Variants in UTRN observed in about 807,000 individuals in gnomAD.
UTRN encodes utrophin.
Under a neutral mutation model 463.9 loss-of-function variants are expected in UTRN, and 283 were observed. That is an observed-to-expected ratio of 0.61 (90% CI 0.55 to 0.67). The LOEUF (loss-of-function observed/expected upper bound fraction) is 0.67. Ranked by LOEUF, UTRN falls within the 30% of genes least tolerant of loss-of-function variation. The pLI is 0.00. For missense variants in UTRN, 3,922 were observed against 4,084.3 expected (o/e 0.96, Z 1.08); for synonymous variants, 1,442 against 1,431.5 (o/e 1.01, Z -0.17).
chr6:144,586,868 G>A (rs1371925716), intron 51 of UTRN, among the ~76,000 whole-genome samples: 1 of 152,112 alleles, frequency 6.6e-6, no homozygotes, highest in African/African-American at 2.4e-5. Flanking sequence ...GTTGATTTAA[G>A]TGATATAACT....
chr6:144,342,357 A>C (rs1777204116), intron 2 of UTRN, among the ~76,000 whole-genome samples: 1 of 151,498 alleles, frequency 6.6e-6, no homozygotes, highest in Admixed American at 6.6e-5. Context: ...ACACACACAC[A>C]CACACACACA....
chr6:144,470,453 C>T (rs940964895), intron 23 of UTRN, among the ~76,000 whole-genome samples: 2 of 151,606 alleles, frequency 1.3e-5, no homozygotes, highest in African/African-American at 2.4e-5. Flanking sequence ...AGAGGCGCTC[C>T]TCACATCCCA....
At chr6:144,827,297 G>T in intron 66 of UTRN, 51 bp from the exon 67 acceptor site, 9 of 1,605,440 alleles carry the variant, frequency 5.6e-6, no homozygotes, top group Non-Finnish European at 6.8e-6. Flanking sequence ...GTCTTAAATT[G>T]CTCTAAAGTG....
chr6:144,530,331 C>T (rs1796929866), intron 41 of UTRN, among the ~76,000 whole-genome samples: 1 of 152,150 alleles, frequency 6.6e-6, no homozygotes, highest in Non-Finnish European at 1.5e-5. Context: ...TATAAGGACA[C>T]CAGTCCTTTC....
In UTRN at chr6:144,426,431, G is replaced by C; in HGVS notation, c.550G>C (p.Ala184Pro). Residue 184 changes from alanine (A) to proline (P), a missense_variant, in exon 7 of 75, where the codon GCC becomes CCC. By Grantham distance (27) the Ala-to-Pro change is conservative. Coordinates refer to ENST00000367545, the MANE Select transcript of UTRN (RefSeq NM_007124.3). ...NFTTSWTDGLAFNAVLHRHKP... is the reference protein window; with the variant it reads ...NFTTSWTDGLPFNAVLHRHKP... ...CACCACCAGCTGGACAGATGGACTC[G>C]CCTTTAATGCTGTCCTCCACCGACA... The C allele has an allele frequency of 6.2e-7, 1 of 1,613,970 alleles. No homozygotes were observed. Among genetic ancestry groups the C allele is most frequent in the South Asian group, 1.1e-5 (1 of 91,060 alleles).
intron 54 of UTRN, among the ~76,000 whole-genome samples, chr6:144,736,049 T>G (rs961180026): frequency 6.6e-6 from 1 of 152,218 alleles, no homozygotes; most frequent in Non-Finnish European, 1.5e-5. Context: ...TATGGTTTTT[T>G]TTGTTGTTGT....
rs377760056 is a variant in UTRN, at chr6:144,807,936, G to C, written c.9357+4789G>C. Among the ~76,000 whole-genome samples, 17 of 152,240 alleles carry C rather than the reference G, an allele frequency of 1.1e-4. No individual in the cohort carries two copies. In the East Asian group the frequency reaches 1.7e-3, roughly 16 times the overall value. Reference sequence around the variant, plus strand: ...ATAGAATATTAAAGCTGGAATTAAAGCTCTAAGAGATCATCTAACTTATCT... The same window carrying C: ...ATAGAATATTAAAGCTGGAATTAAACCTCTAAGAGATCATCTAACTTATCT... On this transcript the variant is annotated intron_variant, in intron 65 of 74. Transcript: ENST00000367545.
At position 144,554,972 on chromosome 6, in the gene UTRN, C is replaced by T; in HGVS notation, c.7134+79C>T. The T allele has an allele frequency of 2.8e-6, 4 of 1,423,100 alleles. No homozygotes were observed. The South Asian group carries it at 3.8e-5, about 14-fold the overall frequency. The allele number at this position is 1,423,100 out of a possible 1,614,324, so 88.2% of individuals were successfully genotyped here. A position where few individuals can be genotyped will look rare whatever the true frequency, so the allele number is the denominator to read the frequency against. On this transcript the variant is annotated intron_variant, in intron 49 of 74. Coordinates refer to ENST00000367545, the MANE Select transcript of UTRN (RefSeq NM_007124.3). ...TTCTATTGTTCACTGTAATTCTTAACAATAGGACCCTGCCATGTTTTTTCC... is the reference window on the plus strand; with the variant it reads ...TTCTATTGTTCACTGTAATTCTTAATAATAGGACCCTGCCATGTTTTTTCC...
At chr6:144,797,620 G>T in intron 63 of UTRN, 2 of 465,128 alleles carry the variant, frequency 4.3e-6, no homozygotes, top group Non-Finnish European at 3.6e-6. Flanking sequence ...TTCTTCCTAT[G>T]TGACAATTTC....
At chr6:144,836,151 A>G in intron 70 of UTRN, 150 bp from the exon 71 acceptor site, 2 of 1,440,240 alleles carry the variant, frequency 1.4e-6, no homozygotes, top group Non-Finnish European at 1.9e-6. Context: ...GCTTAAAACT[A>G]CAATTTTATT....
chr6:144,705,900 A>G (rs1305727054), intron 53 of UTRN, among the ~76,000 whole-genome samples: 1 of 151,390 alleles, frequency 6.6e-6, no homozygotes, highest in Non-Finnish European at 1.5e-5. Flanking sequence ...ATATATAATT[A>G]ACATTAATTC....
At chr6:144,839,623 C>T (rs1379544846) in intron 72 of UTRN, among the ~76,000 whole-genome samples, 1 of 152,100 alleles carries the variant, frequency 6.6e-6, no homozygotes, top group African/African-American at 2.4e-5. Flanking sequence ...TACATTGGTG[C>T]ATATTCAGGA....
intron 51 of UTRN, among the ~76,000 whole-genome samples, chr6:144,643,568 G>A (rs902473558): frequency 1.8e-4 from 28 of 151,986 alleles, no homozygotes; most frequent in African/African-American, 5.3e-4. Context: ...AGGCTGAGGC[G>A]GGCAGATCAC....
intron 73 of UTRN, among the ~76,000 whole-genome samples, chr6:144,845,377 G>T (rs1470150111): frequency 1.3e-5 from 2 of 152,134 alleles, no homozygotes; most frequent in Admixed American, 6.5e-5. Context: ...GATAGACCAA[G>T]AAATGCTTTC....
chr6:144,633,405 A>AT (rs923014103), intron 51 of UTRN, among the ~76,000 whole-genome samples: 75 of 151,538 alleles, frequency 4.9e-4, no homozygotes, highest in Admixed American at 1.6e-3. Flanking sequence ...AATATTTTGT[A>AT]TTTTTTTTAG....
chr6:144,697,331 C>G (rs1784121637), intron 52 of UTRN, among the ~76,000 whole-genome samples: 2 of 152,114 alleles, frequency 1.3e-5, no homozygotes, highest in African/African-American at 4.8e-5. Context: ...TGGTTGATCA[C>G]TAGTTATCAA....
At chr6:144,847,315 C>T (rs765458496) in intron 74 of UTRN, among the ~76,000 whole-genome samples, 3 of 152,148 alleles carry the variant, frequency 2.0e-5, no homozygotes, top group Non-Finnish European at 4.4e-5. Flanking sequence ...GTGTATGAGA[C>T]AGGTTTACTT....
At chr6:144,584,622 A>G (rs1393624546) in intron 51 of UTRN, among the ~76,000 whole-genome samples, 2 of 152,026 alleles carry the variant, frequency 1.3e-5, no homozygotes, top group Non-Finnish European at 2.9e-5. Flanking sequence ...ACTTTATTAT[A>G]TCACACTGTA....
chr6:144,588,829 G>C (rs1802726938), intron 51 of UTRN, among the ~76,000 whole-genome samples: 1 of 152,168 alleles, frequency 6.6e-6, no homozygotes, highest in African/African-American at 2.4e-5. Context: ...GTAATTAGTA[G>C]AGTTCCTACC....
Sources: allele counts gnomAD v4.1 joint callset (sites outside exome capture counted in the v4.1 genomes callset), GRCh38; gene constraint gnomAD v4.1.1; transcripts MANE v1.5; gene names NCBI Gene and HGNC (gene_info 2026-07-23, HGNC 2026-07-21).